GATAD2A: variants seen among roughly 807,000 people sequenced by gnomAD.
GATAD2A encodes transcriptional repressor p66-alpha.
In GATAD2A, 12 loss-of-function variants were observed where a neutral mutation model predicts 68.5. That is an observed-to-expected ratio of 0.18 (90% CI 0.11 to 0.28). The LOEUF (loss-of-function observed/expected upper bound fraction) is 0.28, where lower values mean the gene tolerates loss of function less well. Ranked by LOEUF, GATAD2A falls within the 10% of genes least tolerant of loss-of-function variation. The pLI is 1.00. For missense variants in GATAD2A, 755 were observed against 868.5 expected (o/e 0.87, Z 1.64); for synonymous variants, 410 against 375.3 (o/e 1.09, Z -1.07).
chr19:19,474,018 A>G, intron 2 of GATAD2A: 2 of 984,356 alleles, frequency 2.0e-6, no homozygotes, highest in Non-Finnish European at 2.4e-6. Context: ...GTAATGTGAT[A>G]TTGCTTCTTC....
intron 1 of GATAD2A, among the ~76,000 whole-genome samples, chr19:19,442,305 A>C (rs1167259860): frequency 6.6e-6 from 1 of 152,128 alleles, no homozygotes; most frequent in Non-Finnish European, 1.5e-5. Context: ...GAACAAGAAC[A>C]AGGAGCCCCT....
At chr19:19,412,450 C>T (rs971016087) in intron 1 of GATAD2A, among the ~76,000 whole-genome samples, 4 of 151,918 alleles carry the variant, frequency 2.6e-5, no homozygotes, top group Admixed American at 6.6e-5. Context: ...CCACCGTGCC[C>T]GGCCGATTCC....
At chr19:19,425,578 A>T (rs1412929120) in intron 1 of GATAD2A, among the ~76,000 whole-genome samples, 2 of 152,100 alleles carry the variant, frequency 1.3e-5, no homozygotes, top group South Asian at 4.1e-4. Context: ...ATCTGAAATG[A>T]TTGGCAAAGA....
At position 19,479,326 on chromosome 19, in the gene GATAD2A, T is replaced by C. The variant is rs117851139; in HGVS notation, c.270-12980T>C. Among the ~76,000 whole-genome samples the C allele has an allele frequency of 5.3e-3, 805 of 152,322 alleles. 6 individuals carry two copies. The highest frequency in any genetic ancestry group is 0.041 in the South Asian group (198 of 4,820). ...GCAAAGATCAGTCCTGCAAACCTCA[T>C]CCCAGTCTCCACATTGTTAACAGAC... On this transcript the variant is annotated intron_variant, in intron 2 of 11. Transcript: ENST00000683918.
intron 1 of GATAD2A, among the ~76,000 whole-genome samples, chr19:19,431,113 C>T (rs1442036919): frequency 6.6e-6 from 1 of 151,578 alleles, no homozygotes; most frequent in Non-Finnish European, 1.5e-5. Context: ...TTAAGGGTTA[C>T]TTGATACTGC....
intron 1 of GATAD2A, among the ~76,000 whole-genome samples, chr19:19,432,254 C>T (rs1464746943): frequency 3.3e-5 from 5 of 152,040 alleles, no homozygotes; most frequent in African/African-American, 9.7e-5. Flanking sequence ...GGATTACAGA[C>T]GTGAGCCACT....
At chr19:19,483,194 G>A (rs1369088747) in intron 2 of GATAD2A, among the ~76,000 whole-genome samples, 1 of 152,226 alleles carries the variant, frequency 6.6e-6, no homozygotes, top group African/African-American at 2.4e-5. Flanking sequence ...AGAGCAGGCA[G>A]GGATGGGCTC....
rs189090856 is a variant in GATAD2A at position 19,507,812 on chromosome 19, C to G, written c.*2338C>G. 3.3e-5 allele frequency: 5 copies of G among 152,146 alleles called. No homozygotes were observed. The highest frequency in any genetic ancestry group is 1.2e-4 in the African/African-American group (5 of 41,428). 9.4% of individuals were successfully genotyped at this position (152,146 alleles called of 1,614,324 possible). On this transcript the variant is annotated 3_prime_UTR_variant, in exon 12 of 12. Coordinates refer to ENST00000683918, the MANE Select transcript of GATAD2A (RefSeq NM_001384528.1). ...AGATGCCTTAATCTTTCCTTCATTT[C>G]TGCTGTCTCGAACACTCTAGCCCAT...
intron 2 of GATAD2A, among the ~76,000 whole-genome samples, chr19:19,480,782 A>G (rs2059004824): frequency 1.3e-5 from 2 of 152,216 alleles, no homozygotes; most frequent in African/African-American, 4.8e-5. Flanking sequence ...GCCATTCTGC[A>G]CTGAGCAACT....
chr19:19,407,703 A>G (rs2050440585), intron 1 of GATAD2A, among the ~76,000 whole-genome samples: 1 of 152,200 alleles, frequency 6.6e-6, no homozygotes, highest in East Asian at 1.9e-4. Flanking sequence ...GCTTTGTTCT[A>G]GTGGAGCAGC....
At chr19:19,386,018 C>T (rs1263124179) in exon 1 of GATAD2A, 2 of 151,424 alleles carry the variant, frequency 1.3e-5, no homozygotes, top group African/African-American at 4.8e-5. Context: ...GCCGCCGCCG[C>T]CACAGCGGCC....
intron 1 of GATAD2A, among the ~76,000 whole-genome samples, chr19:19,412,247 CG>C (rs2051045413): frequency 6.6e-6 from 1 of 151,722 alleles, no homozygotes; most frequent in Admixed American, 6.6e-5. Flanking sequence ...GCTCCGCCTC[CG>C]GGGTTCATGC....
intron 7 of GATAD2A, among the ~76,000 whole-genome samples, chr19:19,497,588 C>T (rs963654459): frequency 9.2e-5 from 14 of 152,102 alleles, no homozygotes; most frequent in Non-Finnish European, 1.9e-4. Flanking sequence ...GGACAACAAA[C>T]CAGCAGGCCG....
At chr19:19,502,882 C>T (rs1297284789) in intron 11 of GATAD2A, among the ~76,000 whole-genome samples, 4 of 152,184 alleles carry the variant, frequency 2.6e-5, no homozygotes, top group South Asian at 2.1e-4. Context: ...CTCTTTGTGC[C>T]GCAGCAAACA....
intron 1 of GATAD2A, among the ~76,000 whole-genome samples, chr19:19,433,152 T>C (rs912299874): frequency 6.6e-6 from 1 of 152,222 alleles, no homozygotes; most frequent in African/African-American, 2.4e-5. Context: ...GTAGGTACGA[T>C]GTACTGTTTG....
chr19:19,457,690 G>A (rs1001318397), intron 1 of GATAD2A, among the ~76,000 whole-genome samples: 1 of 151,242 alleles, frequency 6.6e-6, no homozygotes, highest in South Asian at 2.1e-4. Context: ...GCAGTGAGCC[G>A]AGATCATGCC....
In GATAD2A at chr19:19,405,925, CCCGGCCCCTCCGCCG is replaced by C. The variant is rs2050172815; in HGVS notation, c.-98_-84del. On this transcript the variant is annotated 5_prime_UTR_variant, in exon 1 of 12. Transcript: ENST00000683918. ...GAACGAGCGCGCGCGGCCCGGCGTC[CCCGGCCCCTCCGCCG>C]CCCGGCCCCGCGGGCGACCCCGGAC... is the stretch of plus-strand genomic sequence containing the variant. The C allele has an allele frequency of 6.8e-6, 1 of 146,788 alleles. No homozygotes were observed. The highest frequency in any genetic ancestry group is 6.8e-5 in the Admixed American group (1 of 14,788). The allele number at this position is 146,788 out of a possible 1,614,324, so 9.1% of individuals were successfully genotyped here.
intron 1 of GATAD2A, among the ~76,000 whole-genome samples, chr19:19,442,294 T>A (rs1227040816): frequency 1.3e-5 from 2 of 151,552 alleles, no homozygotes; most frequent in African/African-American, 2.4e-5. Context: ...CAAGCGAGAG[T>A]GAACAAGAAC....
chr19:19,390,881 T>C (rs1225603104), intron 1 of GATAD2A, among the ~76,000 whole-genome samples: 1 of 152,144 alleles, frequency 6.6e-6, no homozygotes, highest in Non-Finnish European at 1.5e-5. Context: ...GGGAAAGTGA[T>C]GTACAAAGCC....
Sources: gnomAD v4.1 joint callset for allele counts (sites outside exome capture counted in the v4.1 genomes callset) on GRCh38, gnomAD v4.1.1 for gene constraint, MANE v1.5 for transcripts, NCBI Gene and HGNC (gene_info 2026-07-23, HGNC 2026-07-21) for gene names.